Variants in STAC observed in about 807,000 individuals in gnomAD.
The protein encoded by STAC is SH3 and cysteine-rich domain-containing protein.
In STAC, 43 loss-of-function variants were observed where a neutral mutation model predicts 48.8. The ratio of observed to expected loss-of-function variants is 0.88; its 90% CI spans 0.69 to 1.14. The LOEUF is 1.14. STAC is among the 50% of genes most tolerant of loss of function. The pLI is 0.00. For missense variants in STAC, 497 were observed against 504.0 expected (o/e 0.99, Z 0.13); for synonymous variants, 193 against 179.5 (o/e 1.07, Z -0.60).
At chr3:36,497,005 G>T (rs1432674239) in intron 6 of STAC, among the ~76,000 whole-genome samples, 1 of 151,122 alleles carries the variant, frequency 6.6e-6, no homozygotes, top group African/African-American at 2.4e-5. Flanking sequence ...ACCTCACTTT[G>T]CACTAAAGCA....
intron 10 of STAC, among the ~76,000 whole-genome samples, chr3:36,529,876 C>A (rs1318037311): frequency 6.6e-6 from 1 of 152,092 alleles, no homozygotes; most frequent in African/African-American, 2.4e-5. Context: ...AATCCCAGCA[C>A]TTTGGGAGGC....
At chr3:36,420,992 A>G (rs1193159346) in intron 1 of STAC, among the ~76,000 whole-genome samples, 1 of 152,178 alleles carries the variant, frequency 6.6e-6, no homozygotes, top group East Asian at 1.9e-4. Context: ...CTTTAAAAAT[A>G]TGTAGGTTAT....
chr3:36,541,100 C>T (rs1699313999), intron 10 of STAC, among the ~76,000 whole-genome samples: 1 of 152,100 alleles, frequency 6.6e-6, no homozygotes, highest in South Asian at 2.1e-4. Flanking sequence ...CTAGTGGTCA[C>T]AGATGGCTGC....
intron 1 of STAC, among the ~76,000 whole-genome samples, chr3:36,391,604 T>C (rs1050915477): frequency 2.0e-5 from 3 of 152,226 alleles, no homozygotes; most frequent in Non-Finnish European, 4.4e-5. Flanking sequence ...TTTTCTCATG[T>C]GCTCTTCTGC....
intron 8 of STAC, among the ~76,000 whole-genome samples, chr3:36,511,260 T>C (rs1402616101): frequency 6.6e-6 from 1 of 152,174 alleles, no homozygotes; most frequent in Non-Finnish European, 1.5e-5. Context: ...AAAAGAATAA[T>C]AATGATCTCT....
chr3:36,529,908 T>G (rs1175607207), intron 10 of STAC, among the ~76,000 whole-genome samples: 1 of 151,968 alleles, frequency 6.6e-6, no homozygotes, highest in Admixed American at 6.5e-5. Flanking sequence ...GATCACGAGG[T>G]CAAGAGATGG....
At chr3:36,434,713 C>T (rs937643014) in intron 1 of STAC, among the ~76,000 whole-genome samples, 35 of 152,204 alleles carry the variant, frequency 2.3e-4, no homozygotes, top group African/African-American at 7.5e-4. Context: ...TGATCAGGGG[C>T]ACACTGGTTA....
intron 5 of STAC, among the ~76,000 whole-genome samples, chr3:36,491,182 TC>T (rs1303420871): frequency 1.3e-5 from 2 of 152,260 alleles, no homozygotes; most frequent in Non-Finnish European, 2.9e-5. Context: ...TATTCTTATG[TC>T]CTAAAGTTAA....
At chr3:36,450,687 G>A (rs931715176) in intron 2 of STAC, among the ~76,000 whole-genome samples, 3 of 152,118 alleles carry the variant, frequency 2.0e-5, no homozygotes, top group Admixed American at 1.3e-4. Context: ...CACCATGCCT[G>A]GCTAACTTTT....
intron 1 of STAC, among the ~76,000 whole-genome samples, chr3:36,419,335 A>C (rs553665806): frequency 6.6e-6 from 1 of 152,266 alleles, no homozygotes; most frequent in African/African-American, 2.4e-5. Context: ...AATTTATTTA[A>C]TTGGAACATA....
At chr3:36,449,077 C>G (rs1326492025) in intron 2 of STAC, among the ~76,000 whole-genome samples, 1 of 151,968 alleles carries the variant, frequency 6.6e-6, no homozygotes, top group Non-Finnish European at 1.5e-5. Flanking sequence ...TATGATCACA[C>G]CACTGCACTC....
intron 2 of STAC, among the ~76,000 whole-genome samples, chr3:36,476,144 G>A (rs558665901): frequency 6.6e-6 from 1 of 152,342 alleles, no homozygotes; most frequent in Non-Finnish European, 1.5e-5. Context: ...GCCCAGGCCT[G>A]GGTAGGCTAA....
chr3:36,387,245 AT>A (rs1188609870), intron 1 of STAC, among the ~76,000 whole-genome samples: 3 of 151,974 alleles, frequency 2.0e-5, no homozygotes, highest in Non-Finnish European at 2.9e-5. Context: ...TTTCTAGTTC[AT>A]TTTTTTCCTT....
At chr3:36,449,737 C>T (rs1481954423) in intron 2 of STAC, among the ~76,000 whole-genome samples, 4 of 152,134 alleles carry the variant, frequency 2.6e-5, no homozygotes, top group South Asian at 2.1e-4. Context: ...TCAAGGAGGA[C>T]GTATCCTAGA....
chr3:36,493,080 A>C lies in STAC; in HGVS notation c.688-71A>C, dbSNP rs1458853842. 6.1e-6 allele frequency: 9 copies of C among 1,467,420 alleles called. No homozygotes were observed. The East Asian group carries it at 1.6e-4, about 27-fold the overall frequency. The allele number at this position is 1,467,420 out of a possible 1,614,324, so 90.9% of individuals were successfully genotyped here. ...GCAAATTCTACCTAAGCTCTCTTAC[A>C]CCAAAGTATCTGCTCAATTGACCAC... On this transcript the variant is annotated intron_variant, in intron 5 of 10. Transcript: ENST00000273183.
At chr3:36,517,676 T>G (rs948188950) in intron 8 of STAC, among the ~76,000 whole-genome samples, 1 of 152,106 alleles carries the variant, frequency 6.6e-6, no homozygotes, top group Non-Finnish European at 1.5e-5. Context: ...TCTAAATTAA[T>G]TAATTAATGA....
intron 1 of STAC, among the ~76,000 whole-genome samples, chr3:36,439,324 C>T (rs1198294540): frequency 1.3e-5 from 2 of 152,144 alleles, no homozygotes; most frequent in Admixed American, 1.3e-4. Context: ...CCTTGGTTCC[C>T]CACTTTTGTC....
intron 2 of STAC, among the ~76,000 whole-genome samples, chr3:36,471,885 G>A (rs1475864454): frequency 6.6e-6 from 1 of 152,140 alleles, no homozygotes; most frequent in Non-Finnish European, 1.5e-5. Context: ...GCTGTCAGTG[G>A]ATCTACCATT....
At chr3:36,448,437 T>C (rs1575206956) in intron 2 of STAC, among the ~76,000 whole-genome samples, 1 of 152,018 alleles carries the variant, frequency 6.6e-6, no homozygotes, top group Non-Finnish European at 1.5e-5. Flanking sequence ...GCCAGGCTGG[T>C]CTTGAACTCC....
Sources: gnomAD v4.1 joint callset for allele counts (sites outside exome capture counted in the v4.1 genomes callset) on GRCh38, gnomAD v4.1.1 for gene constraint, MANE v1.5 for transcripts, NCBI Gene and HGNC (gene_info 2026-07-23, HGNC 2026-07-21) for gene names.